The following SYK variants were observed in gnomAD, a reference collection of about 807,000 sequenced individuals.
The protein encoded by SYK is tyrosine-protein kinase SYK.
In SYK, 16 loss-of-function variants were observed where a neutral mutation model predicts 77.8. The ratio of observed to expected loss-of-function variants is 0.21; its 90% confidence interval spans 0.14 to 0.31. SYK has a LOEUF of 0.31. SYK is among the 10% of genes least tolerant of loss of function. The pLI, the probability that SYK is intolerant of heterozygous loss-of-function variation, is 1.00. For missense variants in SYK, 529 were observed against 814.4 expected (o/e 0.65, Z 4.26); for synonymous variants, 312 against 308.7 (o/e 1.01, Z -0.11).
At chr9:90,871,668 A>G (rs1827731624) in intron 7 of SYK, among the ~76,000 whole-genome samples, 2 of 152,212 alleles carry the variant, frequency 1.3e-5, no homozygotes, top group South Asian at 4.1e-4. Flanking sequence ...CTGACTCAAT[A>G]GGAAACCTCC....
At chr9:90,812,969 T>C (rs374265494) in intron 1 of SYK, among the ~76,000 whole-genome samples, 12 of 152,156 alleles carry the variant, frequency 7.9e-5, no homozygotes, top group African/African-American at 2.9e-4. Flanking sequence ...ATGAAATAAT[T>C]CTCAGAGGAA....
At chr9:90,879,777 A>G (rs1243083182) in intron 11 of SYK, among the ~76,000 whole-genome samples, 1 of 152,212 alleles carries the variant, frequency 6.6e-6, no homozygotes, top group Admixed American at 6.5e-5. Flanking sequence ...GTGGACTTCC[A>G]GCAAAACATA....
rs142780647 is a variant in SYK at position 90,834,354 on chromosome 9, C to A, written c.-41-9504C>A. Reference sequence around the variant, plus strand: ...GTTGCCCTGGGCACCCCTCCACACTCCCCACTCATGACTGAAATTAGTTAC... The same window carrying A: ...GTTGCCCTGGGCACCCCTCCACACTACCCACTCATGACTGAAATTAGTTAC... On this transcript the variant is annotated intron_variant, in intron 1 of 13. Transcript: ENST00000375754. Among the ~76,000 whole-genome samples, 468 of 152,356 alleles carry A rather than the reference C, an allele frequency of 3.1e-3. 4 individuals are homozygous for A. Among genetic ancestry groups the A allele is most frequent in the African/African-American group, 0.011 (441 of 41,586 alleles).
At chr9:90,862,180 T>C in intron 3 of SYK, 26 bp from the exon 4 acceptor site, 1 of 1,576,890 alleles carries the variant, frequency 6.3e-7, no homozygotes, top group Non-Finnish European at 8.6e-7. Context: ...GGCCTGGGGA[T>C]GATGCAGTTC....
At chr9:90,838,252 C>T (rs1004935836) in intron 1 of SYK, among the ~76,000 whole-genome samples, 2 of 152,168 alleles carry the variant, frequency 1.3e-5, no homozygotes, top group Non-Finnish European at 2.9e-5. Flanking sequence ...CTGTTCCAGG[C>T]ATGGTGATAT....
At chr9:90,847,062 G>A (rs921756542) in intron 3 of SYK, among the ~76,000 whole-genome samples, 21 of 152,156 alleles carry the variant, frequency 1.4e-4, no homozygotes, top group South Asian at 2.1e-4. Context: ...GTCTATTCCC[G>A]AAAACAGCAG....
At chr9:90,822,808 C>T (rs769024114) in intron 1 of SYK, among the ~76,000 whole-genome samples, 1 of 152,182 alleles carries the variant, frequency 6.6e-6, no homozygotes, top group Non-Finnish European at 1.5e-5. Flanking sequence ...AGCTCAGGTA[C>T]AAGGCCCCTG....
chr9:90,818,076 A>T (rs1825361810), intron 1 of SYK, among the ~76,000 whole-genome samples: 2 of 152,084 alleles, frequency 1.3e-5, no homozygotes, highest in Non-Finnish European at 1.5e-5. Context: ...GCCAGTCCCC[A>T]CTAAGGGTCT....
intron 1 of SYK, among the ~76,000 whole-genome samples, chr9:90,805,321 C>T (rs1824779184): frequency 6.6e-6 from 1 of 152,208 alleles, no homozygotes; most frequent in African/African-American, 2.4e-5. Context: ...GAGGCGCTTC[C>T]AGTTACTGCT....
chr9:90,864,991 G>T, intron 5 of SYK, 57 bp from the exon 6 acceptor site: 1 of 1,540,070 alleles, frequency 6.5e-7, no homozygotes, highest in South Asian at 1.1e-5. Flanking sequence ...CAGTGGGGAG[G>T]GGAAGGAAGT....
At position 90,878,744 on chromosome 9, in the gene SYK, G is replaced by A. The variant is rs200899555; in HGVS notation, c.1392-20G>A. 15 of 1,593,596 alleles carry A rather than the reference G, an allele frequency of 9.4e-6. No individual in the cohort carries two copies. Among genetic ancestry groups the A allele is most frequent in the Non-Finnish European group, 1.2e-5 (14 of 1,163,058 alleles). The stretch of plus-strand genomic sequence containing the variant: ...TGGGTCACTGTCTGTTATAGCTGAT[G>A]AGATCATTATGACTTTCAGACATGT... On this transcript the variant is annotated intron_variant, in intron 10 of 13. Coordinates refer to ENST00000375754, the MANE Select transcript of SYK (RefSeq NM_003177.7).
intron 3 of SYK, among the ~76,000 whole-genome samples, chr9:90,852,879 C>T (rs1280202970): frequency 3.9e-5 from 6 of 152,304 alleles, no homozygotes; most frequent in South Asian, 4.1e-4. Flanking sequence ...CTGCCCTCAC[C>T]GGACTTTGAC....
chr9:90,846,672 G>GAAA (rs1826607258), intron 3 of SYK, among the ~76,000 whole-genome samples: 1 of 46,310 alleles, frequency 2.2e-5, no homozygotes, highest in African/African-American at 1.1e-4. Flanking sequence ...AAGAAAAAAA[G>GAAA]AAAAGAAAAA....
chr9:90,836,784 G>A lies in SYK; in HGVS notation c.-41-7074G>A, dbSNP rs563153244. On this transcript the variant is annotated intron_variant, in intron 1 of 13. Transcript: ENST00000375754. ...CCATGTGAAGGGTCACAGTGAGGCT[G>A]GAAGTGCTCCCAAGAAGTCATGACA... is the stretch of plus-strand genomic sequence containing the variant. 5.9e-5 allele frequency among the ~76,000 whole-genome samples: 9 copies of A among 152,336 alleles called. No homozygotes were observed. In the South Asian group the frequency reaches 1.9e-3, roughly 32 times the overall value.
chr9:90,853,517 T>C (rs1826900127), intron 3 of SYK, among the ~76,000 whole-genome samples: 1 of 151,954 alleles, frequency 6.6e-6, no homozygotes. Context: ...GTGGCACATA[T>C]ACACCATGGA....
In SYK at chr9:90,843,994, G is replaced by A. The variant is rs773557717; in HGVS notation, c.96G>A (p.Gly32=). Residue 32 remains glycine, a synonymous_variant, in exon 2 of 14, where the codon GGG becomes GGA. Coordinates refer to ENST00000375754, the MANE Select transcript of SYK (RefSeq NM_003177.7). ...REEAEDYLVQ[G]GMSDGLYLLR... ...AGGCAGAAGATTACCTGGTCCAGGG[G>A]GGCATGAGTGATGGGCTTTATTTGC... 6 of 1,610,466 alleles carry A rather than the reference G, an allele frequency of 3.7e-6. No homozygotes were observed. The East Asian group carries it at 6.7e-5, about 18-fold the overall frequency.
intron 7 of SYK, among the ~76,000 whole-genome samples, chr9:90,869,409 G>T (rs1827641042): frequency 6.6e-6 from 1 of 152,072 alleles, no homozygotes; most frequent in Admixed American, 6.5e-5. Flanking sequence ...AATATCAACA[G>T]ATAATTTTTA....
chr9:90,830,072 T>C (rs570865176), intron 1 of SYK, among the ~76,000 whole-genome samples: 1 of 152,380 alleles, frequency 6.6e-6, no homozygotes, highest in South Asian at 2.1e-4. Context: ...TCATGCCTCA[T>C]GCTACCATCC....
chr9:90,836,434 T>C (rs570855232), intron 1 of SYK, among the ~76,000 whole-genome samples: 1 of 152,354 alleles, frequency 6.6e-6, no homozygotes, highest in East Asian at 1.9e-4. Flanking sequence ...TAAATACTTA[T>C]ATGCCATTCA....
Sources: gnomAD v4.1 joint callset for allele counts (sites outside exome capture counted in the v4.1 genomes callset) on GRCh38, gnomAD v4.1.1 for gene constraint, MANE v1.5 for transcripts, NCBI Gene and HGNC (gene_info 2026-07-23, HGNC 2026-07-21) for gene names.